Variants in TESK2 observed in about 807,000 individuals in gnomAD.
TESK2 encodes the protein testis associated actin remodelling kinase 2, also known as dual specificity testis-specific protein kinase 2.
In TESK2, 39 loss-of-function variants were observed where a neutral mutation model predicts 57.1. The observed-to-expected ratio is 0.68, with a 90% CI of 0.53 to 0.89. The LOEUF (loss-of-function observed/expected upper bound fraction) is 0.89. Among genes scored for constraint, TESK2 ranks in the 40% least tolerant of loss-of-function variants. The pLI is 0.00. For missense variants in TESK2, 646 were observed against 732.1 expected, an observed-to-expected ratio of 0.88 and a Z score of 1.36; for synonymous variants, 249 against 267.9, an observed-to-expected ratio of 0.93 and a Z score of 0.69.
chr1:45,452,982 G>C (rs921380275), intron 2 of TESK2, among the ~76,000 whole-genome samples: 8 of 152,110 alleles, frequency 5.3e-5, no homozygotes, highest in African/African-American at 1.7e-4. Flanking sequence ...AGTCCAGGAG[G>C]ATGCAGTCAG....
chr1:45,471,007 T>C (rs1481481052), intron 1 of TESK2, among the ~76,000 whole-genome samples: 2 of 152,078 alleles, frequency 1.3e-5, no homozygotes, highest in East Asian at 3.9e-4. Flanking sequence ...CTGAGGCAGG[T>C]GGATCACGAG....
chr1:45,452,032 C>CAAAAAAAAAAGAAAAAAAAAAA (rs1651891842), intron 2 of TESK2, among the ~76,000 whole-genome samples: 1 of 103,872 alleles, frequency 9.6e-6, no homozygotes, highest in Non-Finnish European at 1.9e-5. Flanking sequence ...GACTCCGTCT[C>CAAAAAAAAAAGAAAAAAAAAAA]AAAAAAAAAA....
chr1:45,414,349 A>G (rs1405048784), intron 3 of TESK2, among the ~76,000 whole-genome samples: 1 of 152,210 alleles, frequency 6.6e-6, no homozygotes, highest in Non-Finnish European at 1.5e-5. Flanking sequence ...GTGGCTAACA[A>G]TAATTACATT....
chr1:45,389,351 T>C (rs1230706217), intron 3 of TESK2, among the ~76,000 whole-genome samples: 2 of 152,118 alleles, frequency 1.3e-5, no homozygotes, highest in African/African-American at 2.4e-5. Context: ...AAGTTGAGGC[T>C]GCAGTGAGCT....
At chr1:45,447,386 A>G (rs1489278978) in intron 2 of TESK2, among the ~76,000 whole-genome samples, 1 of 151,930 alleles carries the variant, frequency 6.6e-6, no homozygotes, top group Non-Finnish European at 1.5e-5. Flanking sequence ...AAAAACTAAG[A>G]CACAAACACA....
At chr1:45,410,058 G>A (rs1014409213) in intron 3 of TESK2, among the ~76,000 whole-genome samples, 15 of 151,872 alleles carry the variant, frequency 9.9e-5, no homozygotes, top group African/African-American at 3.1e-4. Context: ...CCAGCTACTC[G>A]GGAGGCTGAA....
chr1:45,478,589 A>T (rs1481143108), intron 1 of TESK2, among the ~76,000 whole-genome samples: 1 of 152,206 alleles, frequency 6.6e-6, no homozygotes. Context: ...CTCAGCCAAC[A>T]TATATTTATT....
At chr1:45,383,041 A>G (rs1386984357) in intron 4 of TESK2, among the ~76,000 whole-genome samples, 1 of 152,236 alleles carries the variant, frequency 6.6e-6, no homozygotes, top group Non-Finnish European at 1.5e-5. Flanking sequence ...ATTCTTCCTA[A>G]TAATGTCAAT....
At chr1:45,411,621 C>T (rs1341586985) in intron 3 of TESK2, among the ~76,000 whole-genome samples, 1 of 152,034 alleles carries the variant, frequency 6.6e-6, no homozygotes, top group Non-Finnish European at 1.5e-5. Flanking sequence ...TAGCCCTACA[C>T]AGAGGCACAC....
At chr1:45,451,539 G>A (rs1043611559) in intron 2 of TESK2, among the ~76,000 whole-genome samples, 10 of 152,144 alleles carry the variant, frequency 6.6e-5, no homozygotes, top group African/African-American at 1.9e-4. Context: ...GGTGGTACCC[G>A]GGGTGGTGAA....
At chr1:45,429,773 ATAAC>A (rs1264291452) in intron 2 of TESK2, among the ~76,000 whole-genome samples, 1 of 152,254 alleles carries the variant, frequency 6.6e-6, no homozygotes, top group Non-Finnish European at 1.5e-5. Flanking sequence ...TTCAATTGGC[ATAAC>A]TAAAGTCCCT....
At chr1:45,458,302 C>T (rs917518094) in intron 1 of TESK2, among the ~76,000 whole-genome samples, 1 of 152,154 alleles carries the variant, frequency 6.6e-6, no homozygotes, top group Non-Finnish European at 1.5e-5. Flanking sequence ...CAGTGGCTCA[C>T]GCCTGTAATC....
chr1:45,432,648 G>GCA (rs1651020752), intron 2 of TESK2, among the ~76,000 whole-genome samples: 1 of 147,528 alleles, frequency 6.8e-6, no homozygotes, highest in Admixed American at 6.8e-5. Flanking sequence ...CCGAGATCAA[G>GCA]CCACTGCACT....
intron 1 of TESK2, among the ~76,000 whole-genome samples, chr1:45,465,753 G>C (rs1652525993): frequency 6.6e-6 from 1 of 152,138 alleles, no homozygotes; most frequent in Non-Finnish European, 1.5e-5. Context: ...TTTTACCAGT[G>C]TGTGTAATCA....
At chr1:45,399,236 C>T (rs991512228) in intron 3 of TESK2, among the ~76,000 whole-genome samples, 1 of 149,108 alleles carries the variant, frequency 6.7e-6, no homozygotes, top group Non-Finnish European at 1.5e-5. Flanking sequence ...GTAGCCTCCA[C>T]TTCCTGGGCT....
At chr1:45,436,900 C>T (rs1306209553) in intron 2 of TESK2, among the ~76,000 whole-genome samples, 2 of 151,494 alleles carry the variant, frequency 1.3e-5, no homozygotes, top group Non-Finnish European at 2.9e-5. Flanking sequence ...CAGGCTCAAG[C>T]GATCCTCCCG....
At chr1:45,484,505 G>T (rs1357822730) in intron 1 of TESK2, among the ~76,000 whole-genome samples, 1 of 151,876 alleles carries the variant, frequency 6.6e-6, no homozygotes, top group Admixed American at 6.6e-5. Context: ...GGAGGCTGAG[G>T]CGGGCAGATC....
At chr1:45,468,004 C>T (rs1485713235) in intron 1 of TESK2, among the ~76,000 whole-genome samples, 5 of 151,742 alleles carry the variant, frequency 3.3e-5, no homozygotes, top group Admixed American at 1.3e-4. Flanking sequence ...GTGAAATCCC[C>T]GTCTCTACAA....
At chr1:45,421,573 G>T in intron 3 of TESK2, 152 bp downstream of exon 3, 1 of 1,054,086 alleles carries the variant, frequency 9.5e-7, no homozygotes, top group Non-Finnish European at 1.4e-6. Context: ...GTCTCAATGG[G>T]TAGAAAACGA....
Sources: gnomAD v4.1 joint callset for allele counts (sites outside exome capture counted in the v4.1 genomes callset) on GRCh38, gnomAD v4.1.1 for gene constraint, MANE v1.5 for transcripts, NCBI Gene and HGNC (gene_info 2026-07-23, HGNC 2026-07-21) for gene names.